The following ZNF362 variants were observed in gnomAD, a reference collection of about 807,000 sequenced individuals.
ZNF362 encodes zinc finger protein 362.
In ZNF362, 11 loss-of-function variants were observed where a neutral mutation model predicts 42.9. The ratio of observed to expected loss-of-function variants is 0.26; its 90% CI spans 0.16 to 0.42. The LOEUF (loss-of-function observed/expected upper bound fraction) is 0.42. ZNF362 is among the 20% of genes least tolerant of loss of function. The pLI, the probability that ZNF362 is intolerant of heterozygous loss-of-function variation, is 1.00. For synonymous variants in ZNF362, 255 were observed against 257.3 expected (o/e 0.99, Z 0.09); for missense variants, 362 against 576.2 (o/e 0.63, Z 3.81).
chr1:33,135,822 C>T, the ZNF362 span, among the ~76,000 whole-genome samples: 3 of 152,146 alleles, frequency 2.0e-5, no homozygotes, highest in South Asian at 2.1e-4. Flanking sequence ...ACCTGGGATG[C>T]GGCTGTTGTT....
the ZNF362 span, among the ~76,000 whole-genome samples, chr1:33,218,614 T>C: frequency 6.6e-6 from 1 of 152,234 alleles, no homozygotes. Context: ...TATTTGGTTA[T>C]TAGTGAAATT....
intron 1 of ZNF362, 82 bp from the exon 2 acceptor site, chr1:33,270,405 C>T (rs1645893681): frequency 1.7e-6 from 1 of 588,674 alleles, no homozygotes. Context: ...ATATTCAACA[C>T]ATAGATGTTG....
At chr1:33,213,502 G>A in the ZNF362 span, among the ~76,000 whole-genome samples, 1,375 of 152,160 alleles carry the variant, frequency 9.0e-3, 21 homozygotes, top group African/African-American at 0.031. Context: ...ATTTAAATAA[G>A]TATTGATTAC....
At chr1:33,136,124 T>TTCCG in the ZNF362 span, among the ~76,000 whole-genome samples, 1 of 129,246 alleles carries the variant, frequency 7.7e-6, no homozygotes, top group South Asian at 2.6e-4. Context: ...CCTTCCTTCC[T>TTCCG]TCCTTCCTTC....
At chr1:33,233,018 T>C in the ZNF362 span, among the ~76,000 whole-genome samples, 1 of 152,358 alleles carries the variant, frequency 6.6e-6, no homozygotes, top group African/African-American at 2.4e-5. Flanking sequence ...AAAACTGAAA[T>C]GCAGTGAGGT....
the ZNF362 span, among the ~76,000 whole-genome samples, chr1:33,157,938 A>G: frequency 6.6e-6 from 1 of 151,812 alleles, no homozygotes; most frequent in Admixed American, 6.6e-5. Context: ...TGTATTTTTA[A>G]TAGAGACAGG....
At chr1:33,210,976 C>T in the ZNF362 span, among the ~76,000 whole-genome samples, 4 of 151,322 alleles carry the variant, frequency 2.6e-5, no homozygotes, top group Non-Finnish European at 5.9e-5. Flanking sequence ...CTCTGTCACC[C>T]AGGCTGGAGT....
chr1:33,248,975 C>T, the ZNF362 span, among the ~76,000 whole-genome samples: 2 of 152,274 alleles, frequency 1.3e-5, no homozygotes, highest in South Asian at 2.1e-4. Flanking sequence ...ATTCAATCTC[C>T]GTCATTTTTT....
the ZNF362 span, chr1:33,158,198 G>T: frequency 6.6e-7 from 1 of 1,523,004 alleles, no homozygotes; most frequent in South Asian, 1.1e-5. Flanking sequence ...CAGGGGGCTG[G>T]GCTGTGCTGG....
At chr1:33,131,408 T>C in the ZNF362 span, among the ~76,000 whole-genome samples, 2 of 152,226 alleles carry the variant, frequency 1.3e-5, no homozygotes, top group African/African-American at 4.8e-5. Context: ...AGGGTCTAAA[T>C]CTGTGCTGTC....
the ZNF362 span, among the ~76,000 whole-genome samples, chr1:33,217,166 A>G: frequency 6.6e-6 from 1 of 151,892 alleles, no homozygotes; most frequent in African/African-American, 2.4e-5. Flanking sequence ...AGATAATTGT[A>G]CTCCCAGCAA....
the ZNF362 span, among the ~76,000 whole-genome samples, chr1:33,204,649 G>A: frequency 1.3e-5 from 2 of 152,040 alleles, no homozygotes; most frequent in African/African-American, 2.4e-5. Flanking sequence ...ATTTCAAATG[G>A]CATTTATGAA....
chr1:33,200,210 A>T, the ZNF362 span: 2 of 152,234 alleles, frequency 1.3e-5, no homozygotes, highest in Non-Finnish European at 2.9e-5. Flanking sequence ...GTGACAAAAT[A>T]CCTTAGGCAA....
the ZNF362 span, among the ~76,000 whole-genome samples, chr1:33,152,605 C>G: frequency 2.0e-5 from 3 of 151,352 alleles, no homozygotes; most frequent in Admixed American, 2.0e-4. Flanking sequence ...TGGGGACCAT[C>G]TGTCGATTCA....
the ZNF362 span, among the ~76,000 whole-genome samples, chr1:33,158,659 A>G: frequency 1.3e-5 from 2 of 152,234 alleles, no homozygotes; most frequent in Admixed American, 1.3e-4. Flanking sequence ...GTCACGGTCA[A>G]TGCCAAATTC....
chr1:33,166,115 G>C, the ZNF362 span: 1 of 152,372 alleles, frequency 6.6e-6, no homozygotes, highest in African/African-American at 2.4e-5. Flanking sequence ...TAGGTTGCCT[G>C]CTCCTTATGA....
chr1:33,219,324 A>G, the ZNF362 span, among the ~76,000 whole-genome samples: 1 of 152,156 alleles, frequency 6.6e-6, no homozygotes, highest in African/African-American at 2.4e-5. Context: ...TGCCCAGCCC[A>G]CTTCCCAACC....
chr1:33,295,106 G>A, intron 7 of ZNF362, 41 bp from the exon 8 acceptor site: 4 of 1,613,336 alleles, frequency 2.5e-6, no homozygotes, highest in Non-Finnish European at 3.4e-6. Flanking sequence ...TGGGGTGAGG[G>A]AGCCCTGTTC....
At chr1:33,131,491 TA>T in the ZNF362 span, among the ~76,000 whole-genome samples, 2 of 152,230 alleles carry the variant, frequency 1.3e-5, no homozygotes, top group Non-Finnish European at 2.9e-5. Flanking sequence ...GAATGTGTTA[TA>T]AGTGTAAAAT....
Sources: allele counts gnomAD v4.1 joint callset (sites outside exome capture counted in the v4.1 genomes callset), GRCh38; gene constraint gnomAD v4.1.1; transcripts MANE v1.5; gene names NCBI Gene and HGNC (gene_info 2026-07-23, HGNC 2026-07-21).